The following CLEC6A variants were observed in gnomAD, a reference collection of about 807,000 sequenced individuals.
The protein encoded by CLEC6A is C-type lectin domain family 6 member A.
CLEC6A carries 22 observed loss-of-function variants against 25.7 expected under a neutral mutation model. The ratio of observed to expected loss-of-function variants is 0.85; its 90% CI spans 0.61 to 1.22. The LOEUF (loss-of-function observed/expected upper bound fraction) is 1.22. Ranked by LOEUF, CLEC6A falls within the 50% of genes most tolerant of loss-of-function variation. CLEC6A has a pLI of 0.00. For synonymous variants in CLEC6A, 92 were observed against 76.7 expected, an observed-to-expected ratio of 1.20 and a Z score of -1.04; for missense variants, 240 against 236.8, an observed-to-expected ratio of 1.01 and a Z score of -0.09.
At chr12:8,471,364 A>C (rs147529301) in intron 4 of CLEC6A, among the ~76,000 whole-genome samples, 143 of 152,036 alleles carry the variant, frequency 9.4e-4, no homozygotes, top group Middle Eastern at 6.8e-3. Context: ...GATTAGTGTT[A>C]ATTCTTCTTT....
At chr12:8,468,812 CA>C (rs1939869428) in intron 4 of CLEC6A, among the ~76,000 whole-genome samples, 1 of 152,092 alleles carries the variant, frequency 6.6e-6, no homozygotes, top group Non-Finnish European at 1.5e-5. Flanking sequence ...TCATCTATGA[CA>C]AACCTACAGC....
At chr12:8,474,376 C>T (rs1243622581) in intron 4 of CLEC6A, among the ~76,000 whole-genome samples, 2 of 152,078 alleles carry the variant, frequency 1.3e-5, no homozygotes, top group East Asian at 1.9e-4. Context: ...GATCAGATGG[C>T]TACAGATGTT....
intron 3 of CLEC6A, among the ~76,000 whole-genome samples, chr12:8,464,623 C>T (rs142518109): frequency 1.4e-4 from 21 of 152,260 alleles, no homozygotes; most frequent in Non-Finnish European, 2.5e-4. Flanking sequence ...TGAGCCACTG[C>T]GCCTGGCCTA....
intron 4 of CLEC6A, among the ~76,000 whole-genome samples, chr12:8,468,261 G>A (rs929800623): frequency 1.7e-4 from 26 of 152,168 alleles, no homozygotes; most frequent in African/African-American, 6.0e-4. Context: ...ACTTTAAATG[G>A]GATTATTTTC....
At chr12:8,463,840 C>T (rs4242892) in intron 3 of CLEC6A, among the ~76,000 whole-genome samples, 117,529 of 152,118 alleles carry the variant, frequency 0.77, 45,822 homozygotes, top group East Asian at 0.99. Context: ...AAATAAAATA[C>T]TATTAACGTT....
chr12:8,462,899 A>G (rs963765938), intron 3 of CLEC6A, among the ~76,000 whole-genome samples: 3 of 152,192 alleles, frequency 2.0e-5, no homozygotes, highest in African/African-American at 7.2e-5. Flanking sequence ...CCACCCCTTC[A>G]TAATTTGACA....
intron 5 of CLEC6A, 101 bp from the exon 6 acceptor site, chr12:8,477,219 C>A: frequency 2.3e-6 from 2 of 868,202 alleles, no homozygotes; most frequent in South Asian, 1.9e-5. Flanking sequence ...GGAATGTTCT[C>A]TCTTCCTAAA....
chr12:8,476,103 T>C (rs757671608), intron 4 of CLEC6A, 22 bp from the exon 5 acceptor site: 32 of 1,476,126 alleles, frequency 2.2e-5, no homozygotes, highest in Admixed American at 5.2e-5. Flanking sequence ...AGTCTTTGAC[T>C]CCTTTTTTTT....
At chr12:8,456,983 A>G (rs1376102881) in intron 1 of CLEC6A, among the ~76,000 whole-genome samples, 1 of 151,946 alleles carries the variant, frequency 6.6e-6, no homozygotes, top group Non-Finnish European at 1.5e-5. Flanking sequence ...GGTGGCATGC[A>G]CCTGTAATCC....
At chr12:8,467,197 T>C (rs1383026651) in intron 4 of CLEC6A, among the ~76,000 whole-genome samples, 1 of 152,202 alleles carries the variant, frequency 6.6e-6, no homozygotes, top group African/African-American at 2.4e-5. Context: ...TTTAGTTTGG[T>C]GGAGTTCCAT....
At position 8,477,582 on chromosome 12, in the gene CLEC6A, A is replaced by G. The variant is rs1441645982; in HGVS notation, c.*118A>G. The G allele has an allele frequency of 2.5e-5, 19 of 745,160 alleles. No homozygotes were observed. The highest frequency in any genetic ancestry group is 3.8e-5 in the Non-Finnish European group (18 of 479,876). The allele number at this position is 745,160 out of a possible 1,614,324, so 46.2% of individuals were successfully genotyped here. On this transcript the variant is annotated 3_prime_UTR_variant, in exon 6 of 6. Coordinates refer to ENST00000382073, the MANE Select transcript of CLEC6A (RefSeq NM_001007033.2). ...CTTCCTGAATTTACACATAATCCTTATGTTATAGAGGTTCACAGAAATGGA... is the reference window on the plus strand; with the variant it reads ...CTTCCTGAATTTACACATAATCCTTGTGTTATAGAGGTTCACAGAAATGGA...
At chr12:8,475,073 C>T (rs183056285) in intron 4 of CLEC6A, among the ~76,000 whole-genome samples, 14 of 152,146 alleles carry the variant, frequency 9.2e-5, no homozygotes, top group African/African-American at 2.6e-4. Flanking sequence ...TGATGTTCCC[C>T]GCCCTGTGTC....
chr12:8,459,772 T>A, intron 3 of CLEC6A, 74 bp downstream of exon 3: 1 of 919,352 alleles, frequency 1.1e-6, no homozygotes, highest in East Asian at 2.4e-5. Flanking sequence ...AAGATTGGTG[T>A]ATTCTATTGT....
intron 1 of CLEC6A, among the ~76,000 whole-genome samples, chr12:8,457,464 C>A (rs769357597): frequency 6.6e-6 from 1 of 152,128 alleles, no homozygotes; most frequent in South Asian, 2.1e-4. Context: ...TTTTCTTTAT[C>A]CATTCATCTG....
At chr12:8,469,149 A>C (rs1356698251) in intron 4 of CLEC6A, among the ~76,000 whole-genome samples, 1 of 152,146 alleles carries the variant, frequency 6.6e-6, no homozygotes, top group Non-Finnish European at 1.5e-5. Flanking sequence ...ATCAGTGGCC[A>C]TGTGGAGAAT....
In CLEC6A at chr12:8,459,652, A is replaced by C; in HGVS notation, c.177A>C (p.Ser59=). The change falls in exon 3 of 6, where the codon TCA becomes TCC. Residue 59 remains serine (S), a synonymous_variant. Transcript: ENST00000382073. ...ETGKRLSELH[S]YHSSLTCFSE... ...GCAAAAGGCTGTCTGAACTACACTC[A>C]TATCATTCAAGTCTCACCTGCTTCA... 1.2e-6 allele frequency: 2 copies of C among 1,613,800 alleles called. No individual in the cohort carries two copies. The highest frequency in any genetic ancestry group is 1.7e-6 in the Non-Finnish European group (2 of 1,179,674).
chr12:8,475,980 A>G (rs527969717), intron 4 of CLEC6A, 145 bp from the exon 5 acceptor site: 15 of 519,990 alleles, frequency 2.9e-5, no homozygotes, highest in East Asian at 2.8e-4. Flanking sequence ...TTTGGCCTGT[A>G]CTCCTGGTCA....
In CLEC6A at chr12:8,456,047, G is replaced by GCAA. The variant is rs2136355078; in HGVS notation, c.-62_-60dup. 1.3e-6 allele frequency: 2 copies of GCAA among 1,530,240 alleles called. No homozygotes were observed. Among genetic ancestry groups the GCAA allele is most frequent in the Admixed American group, 3.4e-5 (2 of 59,580 alleles). 94.8% of individuals were successfully genotyped at this position (1,530,240 alleles called of 1,614,324 possible). On this transcript the variant is annotated 5_prime_UTR_variant, in exon 1 of 6. Coordinates refer to ENST00000382073, the MANE Select transcript of CLEC6A (RefSeq NM_001007033.2). ...TCTTTAAATGAAGCTGAGTCTCTGG[G>GCAA]CAACATCTTTAGGGAGAGAGGTACA... is the stretch of plus-strand genomic sequence containing the variant.
chr12:8,458,587 A>C (rs1939711081), intron 2 of CLEC6A, among the ~76,000 whole-genome samples: 1 of 152,152 alleles, frequency 6.6e-6, no homozygotes, highest in African/African-American at 2.4e-5. Context: ...TGGGTATTGA[A>C]TAGTCTGGGA....
Sources: allele counts gnomAD v4.1 joint callset (sites outside exome capture counted in the v4.1 genomes callset), GRCh38; gene constraint gnomAD v4.1.1; transcripts MANE v1.5; gene names NCBI Gene and HGNC (gene_info 2026-07-23, HGNC 2026-07-21).